Variants in RBM25 observed in about 807,000 individuals in gnomAD.
RBM25 encodes the protein RNA-binding protein 25.
In RBM25, 19 loss-of-function variants were observed where a neutral mutation model predicts 120.7. That is an observed-to-expected ratio of 0.16 (90% CI 0.11 to 0.23). RBM25 has a LOEUF of 0.23. Ranked by LOEUF, RBM25 falls within the 10% of genes least tolerant of loss-of-function variation. The probability of loss-of-function intolerance (pLI) is 1.00; values close to 1 mark genes in which losing one functional copy is unlikely to be tolerated. For missense variants in RBM25, 605 were observed against 1,041.5 expected (o/e 0.58, Z 5.77); for synonymous variants, 390 against 326.7 (o/e 1.19, Z -2.09).
intron 7 of RBM25, 65 bp downstream of exon 7, chr14:73,097,165 T>TTGATTACA: frequency 1.9e-6 from 2 of 1,033,954 alleles, no homozygotes; most frequent in Non-Finnish European, 2.6e-6. Flanking sequence ...CTCTTATACT[T>TTGATTACA]TGATTACATG....
At chr14:73,107,605 T>C (rs1896218190) in intron 12 of RBM25, 2 of 476,278 alleles carry the variant, frequency 4.2e-6, no homozygotes, top group South Asian at 5.1e-5. Flanking sequence ...TACATATACA[T>C]TTATAAATAT....
At chr14:73,081,233 G>A (rs573333848) in intron 4 of RBM25, among the ~76,000 whole-genome samples, 3 of 152,056 alleles carry the variant, frequency 2.0e-5, no homozygotes, top group Admixed American at 6.5e-5. Context: ...TCCGCCTCCC[G>A]GGTCAGTGAT....
chr14:73,112,031 C>A, intron 16 of RBM25, 121 bp from the exon 17 acceptor site: 2 of 1,078,966 alleles, frequency 1.9e-6, no homozygotes, highest in Non-Finnish European at 2.7e-6. Context: ...TGATACATAT[C>A]TGTCTTAGTT....
chr14:73,060,444 T>G (rs1386999588), intron 1 of RBM25, among the ~76,000 whole-genome samples: 2 of 151,562 alleles, frequency 1.3e-5, no homozygotes, highest in Non-Finnish European at 3.0e-5. Context: ...ACAGACAAAT[T>G]AGCAGTTTAC....
Position 73,103,405 on chromosome 14 carries a change from C to T in RBM25, c.1081C>T (p.Arg361Trp), listed in dbSNP as rs1566596964. The T allele has an allele frequency of 2.5e-6, 4 of 1,613,270 alleles. No individual in the cohort carries two copies. Among genetic ancestry groups the T allele is most frequent in the South Asian group, 2.2e-5 (2 of 90,880 alleles). ...CCGGACAAAAGAGAGAGACCGAGAT[C>T]GGGATCGAGAGAGAGATCGTGACCG... ...RDRTKERDRD[R>W]DRERDRDRDR... Residue 361 changes from arginine to tryptophan, a missense_variant, in exon 10 of 19, where the codon CGG (arginine) becomes TGG (tryptophan). Arg to Trp is a moderately radical substitution (Grantham distance 101). Coordinates refer to ENST00000261973, the MANE Select transcript of RBM25 (RefSeq NM_021239.3).
Position 73,076,346 on chromosome 14 carries a change from G to A in RBM25, c.134G>A (p.Ser45Asn). 1 of 1,612,584 alleles carries A rather than the reference G, an allele frequency of 6.2e-7. No homozygotes were observed. The highest frequency in any genetic ancestry group is 8.5e-7 in the Non-Finnish European group (1 of 1,178,790). The stretch of plus-strand genomic sequence containing the variant: ...ACCCCAATGATTCCTGTACCAATGA[G>A]CATTATGGCTCCTGCTCCAACTGTA... ...PGTPMIPVPM[S>N]IMAPAPTVLV... is the part of the protein sequence containing the mutation. The change falls in exon 3 of 19, where the codon AGC becomes AAC. Residue 45 changes from serine to asparagine, a missense_variant. By Grantham distance (46) the Ser-to-Asn change is conservative. Transcript: ENST00000261973.
intron 2 of RBM25, among the ~76,000 whole-genome samples, chr14:73,072,371 C>G (rs969769946): frequency 6.6e-6 from 1 of 151,916 alleles, no homozygotes; most frequent in Non-Finnish European, 1.5e-5. Context: ...TCTTCATATA[C>G]TCCCATAACT....
intron 18 of RBM25, among the ~76,000 whole-genome samples, chr14:73,115,137 A>G (rs1002018926): frequency 6.7e-6 from 1 of 148,578 alleles, no homozygotes; most frequent in Admixed American, 6.8e-5. Context: ...CACAAGGATT[A>G]CTACAGGAAC....
At chr14:73,073,833 TATC>T (rs1340159769) in intron 2 of RBM25, among the ~76,000 whole-genome samples, 2 of 152,230 alleles carry the variant, frequency 1.3e-5, no homozygotes, top group Non-Finnish European at 2.9e-5. Flanking sequence ...GTATATTTGT[TATC>T]ATCTGCTGCC....
chr14:73,074,181 A>G (rs757679188), intron 2 of RBM25, among the ~76,000 whole-genome samples: 2 of 152,132 alleles, frequency 1.3e-5, no homozygotes, highest in Non-Finnish European at 2.9e-5. Flanking sequence ...TTCTTCATAT[A>G]TTTATAGGCT....
chr14:73,111,885 C>T (rs1260165580), intron 16 of RBM25, 83 bp downstream of exon 16: 2 of 1,425,128 alleles, frequency 1.4e-6, no homozygotes, highest in Non-Finnish European at 1.9e-6. Flanking sequence ...AAAAAAACCT[C>T]ATTTGATTCT....
At chr14:73,075,053 T>C (rs1268153652) in intron 2 of RBM25, among the ~76,000 whole-genome samples, 1 of 151,382 alleles carries the variant, frequency 6.6e-6, no homozygotes, top group Non-Finnish European at 1.5e-5. Flanking sequence ...TAGAGTACAG[T>C]GGTTATACAC....
intron 9 of RBM25, chr14:73,101,381 T>G (rs934371094): frequency 6.6e-6 from 1 of 152,184 alleles, no homozygotes; most frequent in African/African-American, 2.4e-5. Context: ...AGATTTATGA[T>G]TTTTTAATCT....
At chr14:73,117,205 C>CTTTTATTTTTTTTT (rs1896448964) in intron 18 of RBM25, among the ~76,000 whole-genome samples, 5 of 36,562 alleles carry the variant, frequency 1.4e-4, no homozygotes, top group African/African-American at 5.1e-4. Context: ...TTTCTTTCTT[C>CTTTTATTTTTTTTT]TTTTCTTTTT....
At chr14:73,114,772 T>C (rs1896388556) in intron 18 of RBM25, among the ~76,000 whole-genome samples, 3 of 152,178 alleles carry the variant, frequency 2.0e-5, no homozygotes, top group Non-Finnish European at 4.4e-5. Flanking sequence ...CGTGTGCCTA[T>C]AGTCCCAGCT....
At chr14:73,060,143 AT>A (rs879587884) in intron 1 of RBM25, among the ~76,000 whole-genome samples, 3,206 of 148,136 alleles carry the variant, frequency 0.022, 86 homozygotes, top group Non-Finnish European at 0.037. Flanking sequence ...GGTTCAAGCG[AT>A]TCGCCTGCCT....
chr14:73,099,868 T>G (rs1384970215), intron 9 of RBM25, 118 bp downstream of exon 9: 2 of 1,334,096 alleles, frequency 1.5e-6, no homozygotes, highest in African/African-American at 3.0e-5. Flanking sequence ...TTTATAGGTT[T>G]AATTGATATT....
intron 18 of RBM25, among the ~76,000 whole-genome samples, chr14:73,117,840 A>C (rs1896467218): frequency 6.6e-6 from 1 of 152,190 alleles, no homozygotes; most frequent in Non-Finnish European, 1.5e-5. Flanking sequence ...ACCTGGCAAC[A>C]CTAGACCACA....
chr14:73,109,828 GTA>G (rs1896270387), intron 14 of RBM25, among the ~76,000 whole-genome samples: 1 of 152,090 alleles, frequency 6.6e-6, no homozygotes, highest in Non-Finnish European at 1.5e-5. Flanking sequence ...TACCCGAGTA[GTA>G]GTACGGATTA....
Sources: allele counts gnomAD v4.1 joint callset (sites outside exome capture counted in the v4.1 genomes callset), GRCh38; gene constraint gnomAD v4.1.1; transcripts MANE v1.5; gene names NCBI Gene and HGNC (gene_info 2026-07-23, HGNC 2026-07-21).